The following ADGRL3 variants were observed in gnomAD, a reference collection of about 807,000 sequenced individuals.
ADGRL3 encodes adhesion G protein-coupled receptor L3, also known as calcium-independent alpha-latrotoxin receptor 3.
Under a neutral mutation model 153.5 loss-of-function variants are expected in ADGRL3, and 62 were observed. The observed-to-expected ratio is 0.40, with a 90% confidence interval of 0.33 to 0.50. The LOEUF (loss-of-function observed/expected upper bound fraction) is 0.50, where lower values mean the gene tolerates loss of function less well. Among genes scored for constraint, ADGRL3 ranks in the 20% least tolerant of loss-of-function variants. The probability of loss-of-function intolerance (pLI) is 0.47; values close to 1 mark genes in which losing one functional copy is unlikely to be tolerated. For missense variants in ADGRL3, 1,641 were observed against 1,859.4 expected (o/e 0.88, Z 2.16); for synonymous variants, 710 against 672.5 (o/e 1.06, Z -0.86).
intron 13 of ADGRL3, among the ~76,000 whole-genome samples, chr4:61,915,241 T>G (rs879321535): frequency 6.7e-6 from 1 of 149,002 alleles, no homozygotes; most frequent in Non-Finnish European, 1.5e-5. Context: ...TATATATAGG[T>G]GTGTTTATAT....
chr4:61,515,245 G>A (rs1210870920), intron 3 of ADGRL3, among the ~76,000 whole-genome samples: 1 of 152,156 alleles, frequency 6.6e-6, no homozygotes, highest in Non-Finnish European at 1.5e-5. Context: ...GGCCTTTCCT[G>A]TATCCTGGAA....
intron 1 of ADGRL3, among the ~76,000 whole-genome samples, chr4:61,292,915 T>A (rs2094276899): frequency 6.6e-6 from 1 of 152,130 alleles, no homozygotes; most frequent in South Asian, 2.1e-4. Context: ...CTTGAGTATA[T>A]CTTCTGAGCT....
chr4:61,304,789 G>A (rs1031477334), intron 1 of ADGRL3, among the ~76,000 whole-genome samples: 1 of 152,124 alleles, frequency 6.6e-6, no homozygotes, highest in African/African-American at 2.4e-5. Context: ...TCTCATAAAT[G>A]AGTGTTACTC....
intron 17 of ADGRL3, among the ~76,000 whole-genome samples, chr4:61,952,684 T>C (rs896752296): frequency 1.3e-5 from 2 of 152,172 alleles, no homozygotes; most frequent in Non-Finnish European, 2.9e-5. Context: ...AATTGATCCA[T>C]CTTAGCAAGA....
intron 2 of ADGRL3, among the ~76,000 whole-genome samples, chr4:61,388,449 C>T (rs2096765636): frequency 1.3e-5 from 2 of 152,156 alleles, no homozygotes; most frequent in South Asian, 4.1e-4. Flanking sequence ...AATAAGAAAT[C>T]CTATGCAGTA....
chr4:61,813,771 G>A (rs367919261), intron 8 of ADGRL3, 38 bp from the exon 9 acceptor site: 68 of 1,603,540 alleles, frequency 4.2e-5, no homozygotes, highest in Admixed American at 6.7e-5. Flanking sequence ...AAAGACATAC[G>A]TATGATGTCT....
chr4:61,510,957 TCTC>T (rs2098460394), intron 3 of ADGRL3, among the ~76,000 whole-genome samples: 1 of 152,164 alleles, frequency 6.6e-6, no homozygotes, highest in Non-Finnish European at 1.5e-5. Flanking sequence ...GTTTTGTAGT[TCTC>T]CTCGTAGAGA....
chr4:61,782,363 A>G (rs1028409725), intron 8 of ADGRL3, among the ~76,000 whole-genome samples: 1 of 152,162 alleles, frequency 6.6e-6, no homozygotes, highest in African/African-American at 2.4e-5. Flanking sequence ...TTCATTTAAA[A>G]AATTTTATGA....
chr4:61,681,529 T>C (rs1030478883), intron 6 of ADGRL3, among the ~76,000 whole-genome samples: 1 of 152,114 alleles, frequency 6.6e-6, no homozygotes, highest in Admixed American at 6.6e-5. Flanking sequence ...ACAACCTTGT[T>C]ATAGCACTTA....
intron 25 of ADGRL3, among the ~76,000 whole-genome samples, chr4:62,046,177 A>C (rs564094712): frequency 1.8e-3 from 268 of 152,014 alleles, no homozygotes; most frequent in African/African-American, 6.3e-3. Flanking sequence ...ACTATCTTTC[A>C]TTTAATGATC....
intron 2 of ADGRL3, among the ~76,000 whole-genome samples, chr4:61,432,573 C>CTTTCTTTCT (rs1560622534): frequency 8.4e-5 from 3 of 35,864 alleles, no homozygotes; most frequent in Admixed American, 6.6e-4. Context: ...TCTTTCTCTT[C>CTTTCTTTCT]CTTTCTTTCT....
At chr4:61,645,965 C>G (rs531407360) in intron 5 of ADGRL3, among the ~76,000 whole-genome samples, 2 of 152,170 alleles carry the variant, frequency 1.3e-5, no homozygotes, top group Admixed American at 1.3e-4. Flanking sequence ...TCCCATATTT[C>G]TTGGAGGCTT....
At chr4:61,261,567 T>C (rs564109924) in intron 1 of ADGRL3, among the ~76,000 whole-genome samples, 1 of 152,226 alleles carries the variant, frequency 6.6e-6, no homozygotes, top group African/African-American at 2.4e-5. Context: ...CCAGGGTGTG[T>C]GTGTGGTGGT....
intron 6 of ADGRL3, among the ~76,000 whole-genome samples, chr4:61,717,482 T>A (rs1175528226): frequency 6.6e-6 from 1 of 152,124 alleles, no homozygotes; most frequent in African/African-American, 2.4e-5. Flanking sequence ...ATTTCTTACC[T>A]GATTTGTGAC....
intron 1 of ADGRL3, among the ~76,000 whole-genome samples, chr4:61,301,387 G>A (rs2094576869): frequency 6.6e-6 from 1 of 152,196 alleles, no homozygotes; most frequent in Admixed American, 6.5e-5. Context: ...GTTTTACGAA[G>A]AGATGTGAAC....
At chr4:61,871,072 A>C (rs189243371) in intron 9 of ADGRL3, among the ~76,000 whole-genome samples, 2 of 152,162 alleles carry the variant, frequency 1.3e-5, no homozygotes, top group South Asian at 2.1e-4. Flanking sequence ...AGGTCAGGAG[A>C]TCGAGACCAT....
intron 24 of ADGRL3, among the ~76,000 whole-genome samples, chr4:62,038,174 A>G (rs1242675963): frequency 1.3e-5 from 2 of 152,162 alleles, no homozygotes; most frequent in Non-Finnish European, 2.9e-5. Context: ...TATATATAGA[A>G]ATGTGATATA....
intron 21 of ADGRL3, among the ~76,000 whole-genome samples, chr4:62,009,298 A>G (rs1377824270): frequency 3.9e-5 from 6 of 152,176 alleles, no homozygotes; most frequent in Admixed American, 1.3e-4. Context: ...TTATTTGTCA[A>G]TGAAAATTAC....
intron 1 of ADGRL3, among the ~76,000 whole-genome samples, chr4:61,321,750 T>C (rs2095360720): frequency 6.6e-6 from 1 of 152,146 alleles, no homozygotes; most frequent in Non-Finnish European, 1.5e-5. Flanking sequence ...TATGATATTA[T>C]AATCTTATGG....
Sources: gnomAD v4.1 joint callset for allele counts (sites outside exome capture counted in the v4.1 genomes callset) on GRCh38, gnomAD v4.1.1 for gene constraint, MANE v1.5 for transcripts, NCBI Gene and HGNC (gene_info 2026-07-23, HGNC 2026-07-21) for gene names.